The following FNDC3B variants were observed in gnomAD, a reference collection of about 807,000 sequenced individuals.
FNDC3B encodes the protein fibronectin type III domain containing 3B, also known as fibronectin type III domain-containing protein 3B.
In FNDC3B, 12 loss-of-function variants were observed where a neutral mutation model predicts 151.5. The observed-to-expected ratio is 0.08, with a 90% CI of 0.05 to 0.13. FNDC3B has a LOEUF of 0.13. Among genes scored for constraint, FNDC3B ranks in the 10% least tolerant of loss-of-function variants. The pLI is 1.00. For missense variants in FNDC3B, 1,214 were observed against 1,505.3 expected (o/e 0.81, Z 3.20); for synonymous variants, 528 against 549.0 (o/e 0.96, Z 0.54).
intron 3 of FNDC3B, among the ~76,000 whole-genome samples, chr3:172,224,722 T>TGTA (rs1229921688): frequency 6.7e-6 from 1 of 148,338 alleles, no homozygotes; most frequent in African/African-American, 2.6e-5. Context: ...AATAAAGTGT[T>TGTA]GTATTTCTCT....
At chr3:172,228,794 A>G (rs955713204) in intron 4 of FNDC3B, among the ~76,000 whole-genome samples, 2 of 152,176 alleles carry the variant, frequency 1.3e-5, no homozygotes, top group African/African-American at 4.8e-5. Context: ...CTTCATTTCA[A>G]TTGGGCTCCT....
At chr3:172,326,824 G>A (rs1020432329) in intron 11 of FNDC3B, among the ~76,000 whole-genome samples, 1 of 151,710 alleles carries the variant, frequency 6.6e-6, no homozygotes, top group Non-Finnish European at 1.5e-5. Context: ...TTTTTTACTG[G>A]CTACAGTTCT....
At chr3:172,323,786 G>A (rs972901307) in intron 11 of FNDC3B, among the ~76,000 whole-genome samples, 4 of 152,134 alleles carry the variant, frequency 2.6e-5, no homozygotes, top group African/African-American at 4.8e-5. Context: ...GCAGGACCCT[G>A]TAGGAACAAG....
intron 3 of FNDC3B, 60 bp from the exon 4 acceptor site, chr3:172,226,811 T>A: frequency 4.6e-6 from 5 of 1,088,248 alleles, no homozygotes; most frequent in Non-Finnish European, 5.7e-6. Flanking sequence ...ATTGAAAACA[T>A]TAATTATTTT....
At chr3:172,316,966 A>G (rs1731814442) in intron 11 of FNDC3B, among the ~76,000 whole-genome samples, 1 of 152,188 alleles carries the variant, frequency 6.6e-6, no homozygotes, top group Non-Finnish European at 1.5e-5. Flanking sequence ...TCCTCCCATA[A>G]TAGAAGACAG....
chr3:172,368,313 A>G (rs1290092917), intron 23 of FNDC3B, among the ~76,000 whole-genome samples: 2 of 150,636 alleles, frequency 1.3e-5, no homozygotes, highest in African/African-American at 2.4e-5. Flanking sequence ...ATGGGCACTG[A>G]GGAGGTGTGA....
chr3:172,206,779 A>G (rs1038292576), intron 3 of FNDC3B, among the ~76,000 whole-genome samples: 1 of 152,166 alleles, frequency 6.6e-6, no homozygotes, highest in Non-Finnish European at 1.5e-5. Context: ...GTTTGTATAA[A>G]CACCGACTGA....
intron 3 of FNDC3B, among the ~76,000 whole-genome samples, chr3:172,207,312 T>C (rs895170379): frequency 7.9e-5 from 12 of 152,158 alleles, no homozygotes; most frequent in Non-Finnish European, 2.9e-5. Flanking sequence ...AAATACCTTA[T>C]ATTATTAGCA....
At position 172,347,381 on chromosome 3, in the gene FNDC3B, AT is replaced by A. The variant is rs1286895145; in HGVS notation, c.2514+21del. 1 of 1,598,882 alleles carries A rather than the reference AT, an allele frequency of 6.3e-7. No individual in the cohort carries two copies. Among genetic ancestry groups the A allele is most frequent in the Non-Finnish European group, 8.5e-7 (1 of 1,171,566 alleles). On this transcript the variant is annotated intron_variant, in intron 21 of 25. Transcript: ENST00000415807. The stretch of plus-strand genomic sequence containing the variant: ...CTACAGGTAGGTTGACATTATTCAG[AT>A]GTTACTCACAAGGACTGCTGTCCCA...
At chr3:172,270,826 C>T (rs1371346150) in intron 6 of FNDC3B, among the ~76,000 whole-genome samples, 1 of 152,208 alleles carries the variant, frequency 6.6e-6, no homozygotes, top group Non-Finnish European at 1.5e-5. Flanking sequence ...TAAAAAATTT[C>T]ATTTTATAAG....
At chr3:172,080,569 T>A (rs1718231489) in intron 1 of FNDC3B, among the ~76,000 whole-genome samples, 1 of 152,122 alleles carries the variant, frequency 6.6e-6, no homozygotes, top group Non-Finnish European at 1.5e-5. Flanking sequence ...TGAGGCACTG[T>A]ACTAGGCCTG....
At chr3:172,108,955 G>A (rs141414725) in intron 1 of FNDC3B, among the ~76,000 whole-genome samples, 63 of 152,252 alleles carry the variant, frequency 4.1e-4, no homozygotes, top group African/African-American at 1.1e-3. Flanking sequence ...TCCTTGCCTC[G>A]AAATAATTCA....
At chr3:172,163,544 C>T (rs991671108) in intron 3 of FNDC3B, among the ~76,000 whole-genome samples, 2 of 152,182 alleles carry the variant, frequency 1.3e-5, no homozygotes, top group African/African-American at 4.8e-5. Context: ...TACCCCAAAA[C>T]ATGAGCTTGA....
chr3:172,293,871 T>C (rs1366769352), intron 7 of FNDC3B, among the ~76,000 whole-genome samples: 1 of 152,202 alleles, frequency 6.6e-6, no homozygotes, highest in South Asian at 2.1e-4. Flanking sequence ...ATTCCAATAA[T>C]CTTTATGTAG....
chr3:172,071,127 A>C (rs539106593), intron 1 of FNDC3B, among the ~76,000 whole-genome samples: 1 of 152,332 alleles, frequency 6.6e-6, no homozygotes, highest in South Asian at 2.1e-4. Context: ...AGACTTAATT[A>C]TTCAATTAAA....
At chr3:172,048,301 T>G (rs1335929014) in intron 1 of FNDC3B, among the ~76,000 whole-genome samples, 1 of 152,178 alleles carries the variant, frequency 6.6e-6, no homozygotes, top group African/African-American at 2.4e-5. Context: ...ATTCTATACC[T>G]TCTATATCTT....
chr3:172,069,130 C>T (rs766515806), intron 1 of FNDC3B, among the ~76,000 whole-genome samples: 10 of 152,148 alleles, frequency 6.6e-5, no homozygotes, highest in Non-Finnish European at 1.3e-4. Context: ...TGCTGCAAAA[C>T]GTTGCTGTCA....
At chr3:172,179,858 CAAAAAAAAAAAAA>C (rs60259015) in intron 3 of FNDC3B, among the ~76,000 whole-genome samples, 9 of 97,784 alleles carry the variant, frequency 9.2e-5, no homozygotes, top group East Asian at 4.1e-4. Context: ...GCCCTGTCTC[CAAAAAAAAAAAAA>C]AAAAAAAAAA....
intron 3 of FNDC3B, among the ~76,000 whole-genome samples, chr3:172,176,798 G>T (rs1456807330): frequency 1.3e-5 from 2 of 152,200 alleles, no homozygotes; most frequent in African/African-American, 4.8e-5. Context: ...CAGTGAGGAA[G>T]ACTTTACTCA....
Sources: gnomAD v4.1 joint callset for allele counts (sites outside exome capture counted in the v4.1 genomes callset) on GRCh38, gnomAD v4.1.1 for gene constraint, MANE v1.5 for transcripts, NCBI Gene and HGNC (gene_info 2026-07-23, HGNC 2026-07-21) for gene names.